The following LRRC9 variants were observed in gnomAD, a reference collection of about 807,000 sequenced individuals.
LRRC9 encodes leucine-rich repeat-containing protein 9.
In LRRC9, 122 loss-of-function variants were observed where a neutral mutation model predicts 63.2. The ratio of observed to expected loss-of-function variants is 1.93; its 90% CI spans 1.67 to 2.24. The LOEUF (loss-of-function observed/expected upper bound fraction) is 2.24. Ranked by LOEUF, LRRC9 falls within the 30% of genes most tolerant of loss-of-function variation. The pLI, the probability that LRRC9 is intolerant of heterozygous loss-of-function variation, is 0.00. For synonymous variants in LRRC9, 366 were observed against 213.1 expected (o/e 1.72, Z -6.25); for missense variants, 1,071 against 627.7 (o/e 1.71, Z -7.55).
At chr14:60,000,827 A>G (rs1889292795) in intron 19 of LRRC9, among the ~76,000 whole-genome samples, 1 of 152,126 alleles carries the variant, frequency 6.6e-6, no homozygotes, top group Non-Finnish European at 1.5e-5. Context: ...ACATACTGGG[A>G]AAAGAAATTT....
At chr14:59,935,255 C>T (rs956241638) in intron 6 of LRRC9, among the ~76,000 whole-genome samples, 18 of 149,828 alleles carry the variant, frequency 1.2e-4, no homozygotes, top group African/African-American at 4.2e-4. Flanking sequence ...GATTGCACCA[C>T]TGCACTACAG....
At chr14:59,952,945 G>C (rs1049926500) in intron 8 of LRRC9, among the ~76,000 whole-genome samples, 2 of 152,156 alleles carry the variant, frequency 1.3e-5, no homozygotes, top group Non-Finnish European at 2.9e-5. Context: ...TGCTGAGAGT[G>C]ATGGCTTCCA....
intron 6 of LRRC9, among the ~76,000 whole-genome samples, chr14:59,934,452 T>A (rs9671856): frequency 6.6e-6 from 1 of 152,096 alleles, no homozygotes; most frequent in African/African-American, 2.4e-5. Context: ...AGAGCAGTCA[T>A]ACCTTACAAT....
At chr14:60,043,756 C>CTTTTTTTTTTTTTTTTTTTTTTTTTTTCT (rs368065898) in intron 29 of LRRC9, among the ~76,000 whole-genome samples, 1 of 71,556 alleles carries the variant, frequency 1.4e-5, no homozygotes, top group African/African-American at 5.8e-5. Context: ...TTTTCTTTTC[C>CTTTTTTTTTTTTTTTTTTTTTTTTTTTCT]TTTTTTTTTT....
intron 1 of LRRC9, among the ~76,000 whole-genome samples, chr14:59,926,320 T>A (rs528018395): frequency 6.6e-6 from 1 of 152,154 alleles, no homozygotes; most frequent in African/African-American, 2.4e-5. Flanking sequence ...TCTAGTGAGA[T>A]TTGGGGAGGG....
At chr14:59,984,750 C>T (rs1033588670) in intron 16 of LRRC9, among the ~76,000 whole-genome samples, 2 of 152,102 alleles carry the variant, frequency 1.3e-5, no homozygotes, top group Non-Finnish European at 2.9e-5. Flanking sequence ...TTAGGGTCTC[C>T]ATTGTTCACT....
chr14:60,014,084 GT>G lies in LRRC9; in HGVS notation c.3187-2568del, dbSNP rs534154036. Among the ~76,000 whole-genome samples, 154 of 151,272 alleles carry G rather than the reference GT, an allele frequency of 1.0e-3. 1 individual carries two copies. In the South Asian group the frequency reaches 0.017, roughly 17 times the overall value. On this transcript the variant is annotated intron_variant, in intron 23 of 31. Coordinates refer to ENST00000445360, the Ensembl canonical transcript of LRRC9. ...GTTTTTTAGTGTATCTCTTCATATA[GT>G]TTTTTTTAGTGGTTGTTCTATTACA...
intron 17 of LRRC9, among the ~76,000 whole-genome samples, chr14:59,994,764 A>G (rs1225579334): frequency 6.6e-6 from 1 of 152,102 alleles, no homozygotes; most frequent in Non-Finnish European, 1.5e-5. Context: ...CGCAAAGACA[A>G]AAAACCAAAT....
chr14:60,064,113 G>T (rs545249965), downstream of LRRC9, among the ~76,000 whole-genome samples: 44 of 152,272 alleles, frequency 2.9e-4, no homozygotes, highest in African/African-American at 9.6e-4. Flanking sequence ...TCAGGCTGAA[G>T]AGAACATGTA....
intron 6 of LRRC9, among the ~76,000 whole-genome samples, chr14:59,937,230 A>C (rs548533079): frequency 7.3e-5 from 11 of 151,684 alleles, no homozygotes; most frequent in Admixed American, 5.9e-4. Flanking sequence ...CCAAATAGAA[A>C]ATCTTTCAGG....
intron 1 of LRRC9, among the ~76,000 whole-genome samples, chr14:59,925,884 A>C (rs1889165900): frequency 6.6e-6 from 1 of 152,164 alleles, no homozygotes. Context: ...CAAGGGCGAG[A>C]CTAGGTGGAC....
intron 29 of LRRC9, among the ~76,000 whole-genome samples, chr14:60,038,282 G>GT (rs1566898376): frequency 6.6e-6 from 1 of 152,194 alleles, no homozygotes; most frequent in African/African-American, 2.4e-5. Context: ...CTTTAAAGTA[G>GT]TTTTTTCCAA....
chr14:60,054,532 G>T (rs1017693330), intron 30 of LRRC9, among the ~76,000 whole-genome samples: 7 of 152,120 alleles, frequency 4.6e-5, no homozygotes, highest in African/African-American at 1.4e-4. Flanking sequence ...AGATTATTGT[G>T]TTCAGATTTT....
At chr14:59,955,080 T>C (rs1883588949) in intron 8 of LRRC9, among the ~76,000 whole-genome samples, 1 of 152,262 alleles carries the variant, frequency 6.6e-6, no homozygotes, top group African/African-American at 2.4e-5. Flanking sequence ...TCAATGTTCA[T>C]CAGGGTTATT....
At chr14:59,949,294 G>A (rs180996018) in intron 8 of LRRC9, among the ~76,000 whole-genome samples, 1 of 152,278 alleles carries the variant, frequency 6.6e-6, no homozygotes, top group East Asian at 1.9e-4. Context: ...AGTTAATTGC[G>A]TAGAGGTGTT....
chr14:60,009,105 C>T (rs1239284365), intron 23 of LRRC9, among the ~76,000 whole-genome samples: 1 of 152,166 alleles, frequency 6.6e-6, no homozygotes, highest in Non-Finnish European at 1.5e-5. Context: ...CTTATCTGTC[C>T]TATCTCTCTG....
Position 59,949,346 on chromosome 14 carries a change from G to T in LRRC9, c.882+4602G>T, listed in dbSNP as rs546863602. On this transcript the variant is annotated intron_variant, in intron 8 of 31. Transcript: ENST00000445360. The stretch of plus-strand genomic sequence containing the variant: ...GGTAGTTTGTATTTCTGTGGGATCG[G>T]TGATGATATCCCCTTTATCATTTTT... Among the ~76,000 whole-genome samples the T allele has an allele frequency of 1.5e-4, 23 of 152,082 alleles. No homozygotes were observed. In the East Asian group the frequency reaches 4.1e-3, roughly 27 times the overall value.
At position 59,972,529 on chromosome 14, in the gene LRRC9, C is replaced by T. The variant is rs572767963; in HGVS notation, c.1507-2047C>T. Among the ~76,000 whole-genome samples the T allele has an allele frequency of 1.1e-3, 168 of 152,092 alleles. 1 individual carries two copies. The Middle Eastern group carries it at 0.014, about 12-fold the overall frequency. Reference sequence around the variant, plus strand: ...ACTTAAAGATTCTTGCAAAGTAACTCGAATGTAAAAATCCTTCTAGTTTGT... The same window carrying T: ...ACTTAAAGATTCTTGCAAAGTAACTTGAATGTAAAAATCCTTCTAGTTTGT... On this transcript the variant is annotated intron_variant, in intron 12 of 31. Coordinates refer to ENST00000445360, the Ensembl canonical transcript of LRRC9.
chr14:59,976,548 A>G (rs1456308620), intron 13 of LRRC9, among the ~76,000 whole-genome samples: 1 of 152,204 alleles, frequency 6.6e-6, no homozygotes, highest in African/African-American at 2.4e-5. Flanking sequence ...AGAACTCCTT[A>G]ACTCCTTACT....
Sources: allele counts gnomAD v4.1 joint callset (sites outside exome capture counted in the v4.1 genomes callset), GRCh38; gene constraint gnomAD v4.1.1; transcripts MANE v1.5; gene names NCBI Gene and HGNC (gene_info 2026-07-23, HGNC 2026-07-21).